The following MCFD2 variants were observed in gnomAD, a reference collection of about 807,000 sequenced individuals.
The protein encoded by MCFD2 is multiple coagulation factor deficiency 2, ER cargo receptor complex subunit, also known as multiple coagulation factor deficiency protein 2.
In MCFD2, 11 loss-of-function variants were observed where a neutral mutation model predicts 12.8. The ratio of observed to expected loss-of-function variants is 0.86; its 90% confidence interval spans 0.54 to 1.42. The LOEUF (loss-of-function observed/expected upper bound fraction) is 1.42. Among genes scored for constraint, MCFD2 ranks in the 40% most tolerant of loss-of-function variants. The pLI is 0.00. For synonymous variants in MCFD2, 70 were observed against 68.1 expected, an observed-to-expected ratio of 1.03 and a Z score of -0.14; for missense variants, 191 against 178.6, an observed-to-expected ratio of 1.07 and a Z score of -0.40.
At chr2:46,927,874 T>G (rs1476622174) in intron 1 of MCFD2, among the ~76,000 whole-genome samples, 1 of 148,914 alleles carries the variant, frequency 6.7e-6, no homozygotes, top group African/African-American at 2.5e-5. Context: ...AATATTGGGG[T>G]TTTTTTGGTG....
chr2:46,934,768 A>AGGTAT (rs1487854491), intron 1 of MCFD2, among the ~76,000 whole-genome samples: 5 of 148,784 alleles, frequency 3.4e-5, no homozygotes, highest in African/African-American at 1.2e-4. Context: ...TCCTGGAATA[A>AGGTAT]GGTATGAAGA....
intron 1 of MCFD2, among the ~76,000 whole-genome samples, chr2:46,923,643 A>ACAT (rs1171758367): frequency 6.6e-6 from 1 of 152,170 alleles, no homozygotes; most frequent in Non-Finnish European, 1.5e-5. Context: ...TGTAATCCTA[A>ACAT]CATCTTGGGA....
intron 1 of MCFD2, among the ~76,000 whole-genome samples, chr2:46,910,218 AC>A (rs1668429187): frequency 6.6e-6 from 1 of 152,114 alleles, no homozygotes; most frequent in Non-Finnish European, 1.5e-5. Flanking sequence ...GAGAACTTTA[AC>A]CCCACCAGTA....
upstream of MCFD2, chr2:46,916,074 A>G (rs1376962574): frequency 2.0e-6 from 2 of 985,496 alleles, no homozygotes; most frequent in East Asian, 1.1e-4. Context: ...GGAAGCCCTC[A>G]GGAACGTAGT....
At position 46,905,498 on chromosome 2, in the gene MCFD2, T is replaced by C. The variant is rs779577150; in HGVS notation, c.406A>G (p.Ile136Val). 3.5e-5 allele frequency: 56 copies of C among 1,613,084 alleles called. No individual in the cohort carries two copies. Among genetic ancestry groups the C allele is most frequent in the Non-Finnish European group, 3.4e-6 (4 of 1,179,944 alleles). ...RDDDKNNDGY[I>V]DYAEFAKSLQ ...GATTTTGCAAATTCAGCATAGTCAA[T>C]GTATCCATCATTGTTCTTGTCATCA... is the stretch of plus-strand genomic sequence containing the variant. Residue 136 changes from isoleucine (I) to valine (V), a missense_variant, in exon 4 of 4, where the codon ATT becomes GTT. Transcript: ENST00000319466.
chr2:46,908,981 G>C lies in MCFD2; in HGVS notation c.149+42C>G, dbSNP rs758006412. On this transcript the variant is annotated intron_variant, in intron 2 of 3. Transcript: ENST00000319466. The surrounding 1 kb of genome is among the most constrained non-coding windows in gnomAD (Gnocchi z 4.5). The stretch of plus-strand genomic sequence containing the variant: ...CCTTGCCGCTGGCTCAGCTGCAGAT[G>C]ATGGGGAGGCCACTGGACCACAGCC... The C allele has an allele frequency of 6.2e-7, 1 of 1,613,860 alleles. No individual in the cohort carries two copies. The highest frequency in any genetic ancestry group is 2.2e-5 in the East Asian group (1 of 44,886).
chr2:46,934,887 G>GC (rs1244419685), intron 1 of MCFD2, among the ~76,000 whole-genome samples: 1 of 128,704 alleles, frequency 7.8e-6, no homozygotes, highest in Non-Finnish European at 1.6e-5. Flanking sequence ...TGCAACCTCC[G>GC]CCTCCCGGGT....
chr2:46,902,863 A>G lies in MCFD2; in HGVS notation c.*2600T>C, dbSNP rs1450651902. 6.6e-6 allele frequency: 1 copy of G among 152,232 alleles called. No individual in the cohort carries two copies. Among genetic ancestry groups the G allele is most frequent in the Non-Finnish European group, 1.5e-5 (1 of 68,048 alleles). 9.4% of individuals were successfully genotyped at this position (152,232 alleles called of 1,614,324 possible). ...TTGGTATTCACTCCACTTCACTGTT[A>G]CTGAAAAGCATCCACTTGGCAAAGC... On this transcript the variant is annotated 3_prime_UTR_variant, in exon 4 of 4. Coordinates refer to ENST00000319466, the MANE Select transcript of MCFD2 (RefSeq NM_139279.6).
intron 1 of MCFD2, among the ~76,000 whole-genome samples, chr2:46,938,572 G>C (rs1670094513): frequency 6.6e-6 from 1 of 152,032 alleles, no homozygotes; most frequent in African/African-American, 2.4e-5. Flanking sequence ...TAGTCCCTGA[G>C]GCCCTTCCTA....
At chr2:46,928,607 G>A (rs79750331) in intron 1 of MCFD2, among the ~76,000 whole-genome samples, 4,718 of 151,596 alleles carry the variant, frequency 0.031, 121 homozygotes, top group Non-Finnish European at 0.045. Context: ...CTGTCTCTAC[G>A]AAAAATATAA....
At chr2:46,923,864 C>T (rs1669241276) in intron 1 of MCFD2, among the ~76,000 whole-genome samples, 1 of 152,108 alleles carries the variant, frequency 6.6e-6, no homozygotes, top group African/African-American at 2.4e-5. Flanking sequence ...TCCAGAGTAG[C>T]TGGGATTACA....
Position 46,908,893 on chromosome 2 carries a change from T to A in MCFD2, c.149+130A>T. 8.2e-7 allele frequency: 1 copy of A among 1,213,920 alleles called. No individual in the cohort carries two copies. The highest frequency in any genetic ancestry group is 1.2e-6 in the Non-Finnish European group (1 of 822,384). 75.2% of individuals were successfully genotyped at this position (1,213,920 alleles called of 1,614,324 possible). ...TATAGGTGGCAATAAGGAATAAGAA[T>A]CATCCTTGAAGAATGTCAAGGAGCC... is the stretch of plus-strand genomic sequence containing the variant. On this transcript the variant is annotated intron_variant, in intron 2 of 3. Transcript: ENST00000319466. The surrounding 1 kb of genome is among the most constrained non-coding windows in gnomAD (Gnocchi z 4.5).
At position 46,903,186 on chromosome 2, in the gene MCFD2, T is replaced by A. The variant is rs1028400393; in HGVS notation, c.*2277A>T. 2 of 153,630 alleles carry A rather than the reference T, an allele frequency of 1.3e-5. No individual in the cohort carries two copies. The highest frequency in any genetic ancestry group is 4.8e-5 in the African/African-American group (2 of 41,492). The allele number at this position is 153,630 out of a possible 1,614,324, so 9.5% of individuals were successfully genotyped here. A position where few individuals can be genotyped will look rare whatever the true frequency, so the allele number is the denominator to read the frequency against. ...TGATCAGTTTATCAGGGGTTTCTGC[T>A]TTTGCTTCTTCCTCATTTTTTCTTG... On this transcript the variant is annotated 3_prime_UTR_variant, in exon 4 of 4. Transcript: ENST00000319466.
At chr2:46,927,881 G>T (rs1187504070) in intron 1 of MCFD2, among the ~76,000 whole-genome samples, 1 of 135,334 alleles carries the variant, frequency 7.4e-6, no homozygotes, top group South Asian at 2.3e-4. Context: ...GGGTTTTTTT[G>T]GTGTTTTTTT....
intron 1 of MCFD2, among the ~76,000 whole-genome samples, chr2:46,923,804 C>T (rs895612273): frequency 2.4e-4 from 36 of 152,164 alleles, no homozygotes; most frequent in African/African-American, 8.2e-4. Flanking sequence ...GCCATCTCAG[C>T]TCACTGCAAC....
In MCFD2 at chr2:46,907,711, T is replaced by C. The variant is rs112672850; in HGVS notation, c.309+99A>G. 20 of 1,324,542 alleles carry C rather than the reference T, an allele frequency of 1.5e-5. 1 individual carries two copies. Among genetic ancestry groups the C allele is most frequent in the Middle Eastern group, 1.9e-4 (1 of 5,376 alleles). The allele number at this position is 1,324,542 out of a possible 1,614,324, so 82.0% of individuals were successfully genotyped here. A position where few individuals can be genotyped will look rare whatever the true frequency, so the allele number is the denominator to read the frequency against. ...CATGCCCAGTGGAGAAGCAGCACTC[T>C]TGGCACATAAGGACAACACAAGTCA... is the stretch of plus-strand genomic sequence containing the variant. On this transcript the variant is annotated intron_variant, in intron 3 of 3. Coordinates refer to ENST00000319466, the MANE Select transcript of MCFD2 (RefSeq NM_139279.6). The surrounding 1 kb of genome is among the most constrained non-coding windows in gnomAD (Gnocchi z 4.1).
chr2:46,907,628 C>G lies in MCFD2; in HGVS notation c.309+182G>C. 1 of 666,452 alleles carries G rather than the reference C, an allele frequency of 1.5e-6. No homozygotes were observed. The highest frequency in any genetic ancestry group is 2.7e-6 in the Non-Finnish European group (1 of 374,342). The allele number at this position is 666,452 out of a possible 1,614,324, so 41.3% of individuals were successfully genotyped here. ...GCCAAGGCTGGTCTTGAACTCCTGG[C>G]TCAAGTGATCCTTCCACTTTGGCCT... On this transcript the variant is annotated intron_variant, in intron 3 of 3. Transcript: ENST00000319466. The surrounding 1 kb of genome is among the most constrained non-coding windows in gnomAD (Gnocchi z 4.1).
At chr2:46,915,066 A>G (rs781720654) in intron 1 of MCFD2, among the ~76,000 whole-genome samples, 1 of 152,256 alleles carries the variant, frequency 6.6e-6, no homozygotes, top group Non-Finnish European at 1.5e-5. Context: ...CTCTCTGTAT[A>G]GAACAAACTA....
At chr2:46,921,889 T>C (rs963911678) in intron 1 of MCFD2, among the ~76,000 whole-genome samples, 1 of 146,080 alleles carries the variant, frequency 6.8e-6, no homozygotes, top group East Asian at 2.0e-4. Context: ...ACAGGAGGCA[T>C]AGCTCAGGTT....
Sources: allele counts gnomAD v4.1 joint callset (sites outside exome capture counted in the v4.1 genomes callset), GRCh38; gene constraint gnomAD v4.1.1; non-coding constraint Gnocchi (gnomAD v3.1); transcripts MANE v1.5; gene names NCBI Gene and HGNC (gene_info 2026-07-23, HGNC 2026-07-21).